Variants in ANGPTL5 observed in about 807,000 individuals in gnomAD.
The protein encoded by ANGPTL5 is angiopoietin-related protein 5.
ANGPTL5 carries 34 observed loss-of-function variants against 39.4 expected under a neutral mutation model. The observed-to-expected ratio is 0.86, with a 90% CI of 0.66 to 1.15. The LOEUF is 1.15. ANGPTL5 is among the 50% of genes most tolerant of loss of function. The pLI is 0.00. For synonymous variants in ANGPTL5, 146 were observed against 152.1 expected (o/e 0.96, Z 0.29); for missense variants, 467 against 457.5 (o/e 1.02, Z -0.19).
chr11:101,907,885 G>A lies in ANGPTL5; in HGVS notation c.25C>T (p.Leu9Phe). The A allele has an allele frequency of 1.2e-6, 2 of 1,609,566 alleles. No homozygotes were observed. The highest frequency in any genetic ancestry group is 1.7e-6 in the Non-Finnish European group (2 of 1,176,140). ...AAAATACATACATTTAAGAATAAGA[G>A]TGAGGCTTGGGATGGAGACATCATA... MMSPSQAS[L>F]LFLNVCIFIC... Residue 9 changes from leucine (L) to phenylalanine (F), a missense_variant, in exon 2 of 9, where the codon CTC becomes TTC. Physicochemically the swap from Leu to Phe is conservative, Grantham distance 22. Coordinates refer to ENST00000334289, the MANE Select transcript of ANGPTL5 (RefSeq NM_178127.5).
At chr11:101,897,835 C>CA (rs1189966052) in intron 7 of ANGPTL5, among the ~76,000 whole-genome samples, 1 of 152,150 alleles carries the variant, frequency 6.6e-6, no homozygotes, top group Non-Finnish European at 1.5e-5. Context: ...CTTGACTATA[C>CA]AGGCTCTTTT....
intron 6 of ANGPTL5, 56 bp from the exon 7 acceptor site, chr11:101,900,606 A>AAT (rs1379571059): frequency 5.1e-6 from 8 of 1,562,240 alleles, no homozygotes; most frequent in Non-Finnish European, 7.0e-6. Flanking sequence ...ATTATTTGAT[A>AAT]ATATAACACT....
intron 1 of ANGPTL5, among the ~76,000 whole-genome samples, chr11:101,913,227 T>C (rs1181973435): frequency 8.5e-5 from 13 of 152,202 alleles, no homozygotes; most frequent in Non-Finnish European, 2.9e-5. Context: ...CTTGAGTGCC[T>C]TTGTGTCCTA....
chr11:101,907,921 A>G lies in ANGPTL5; in HGVS notation c.-12T>C, dbSNP rs199507393. The G allele has an allele frequency of 4.5e-6, 7 of 1,543,692 alleles. No individual in the cohort carries two copies. Among genetic ancestry groups the G allele is most frequent in the African/African-American group, 1.4e-5 (1 of 73,548 alleles). On this transcript the variant is annotated 5_prime_UTR_variant, in exon 2 of 9. Transcript: ENST00000334289. ...GATGGAGACATCATATTTTTCTTGGATAGATGAAAACACTTCTTCAAATAT... is the reference window on the plus strand; with the variant it reads ...GATGGAGACATCATATTTTTCTTGGGTAGATGAAAACACTTCTTCAAATAT...
intron 6 of ANGPTL5, 71 bp from the exon 7 acceptor site, chr11:101,900,621 C>T (rs940467797): frequency 2.6e-6 from 4 of 1,517,502 alleles, no homozygotes; most frequent in Non-Finnish European, 2.7e-6. Context: ...AACACTCATG[C>T]TTCATCCTTA....
At chr11:101,915,848 T>C (rs890791157) in intron 1 of ANGPTL5, among the ~76,000 whole-genome samples, 171 bp downstream of exon 1, 2 of 152,224 alleles carry the variant, frequency 1.3e-5, no homozygotes, top group Admixed American at 6.5e-5. Context: ...CAGCCCTAAA[T>C]GCATTTACCA....
At chr11:101,915,383 C>G in intron 1 of ANGPTL5, 1 of 1,613,484 alleles carries the variant, frequency 6.2e-7, no homozygotes, top group Non-Finnish European at 8.5e-7. Flanking sequence ...CTCGGGAGAG[C>G]GGCGGGCATC....
chr11:101,904,968 C>T, intron 4 of ANGPTL5, 61 bp from the exon 5 acceptor site: 7 of 1,281,028 alleles, frequency 5.5e-6, no homozygotes, highest in Non-Finnish European at 7.9e-6. Flanking sequence ...ATCTCTAAGC[C>T]TCTCATAAAC....
chr11:101,901,387 C>T (rs1006053958), intron 6 of ANGPTL5, among the ~76,000 whole-genome samples: 3 of 152,082 alleles, frequency 2.0e-5, no homozygotes, highest in Admixed American at 6.6e-5. Context: ...ACCTGGAAGG[C>T]CTGTTTTCAG....
intron 1 of ANGPTL5, chr11:101,915,410 C>A (rs777711313): frequency 6.2e-7 from 1 of 1,611,628 alleles, no homozygotes; most frequent in Admixed American, 1.7e-5. Flanking sequence ...CTGGCTCTTA[C>A]CTGTATCCTT....
In ANGPTL5 at chr11:101,891,512, G is replaced by A. The variant is rs898420412; in HGVS notation, c.934C>T (p.Pro312Ser). 5 of 1,613,870 alleles carry A rather than the reference G, an allele frequency of 3.1e-6. No homozygotes were observed. Among genetic ancestry groups the A allele is most frequent in the Non-Finnish European group, 4.2e-6 (5 of 1,179,928 alleles). Reference protein sequence around the residue: ...TSDVDNDGCRPACLVNGQSVK... With the variant: ...TSDVDNDGCRSACLVNGQSVK... ...GACTGACCATTGACCAGGCATGCAG[G>A]GCGACACCCATCATTATCAACATCT... The change falls in exon 9 of 9, where the codon CCT becomes TCT. Residue 312 changes from proline (P) to serine (S), a missense_variant. Pro to Ser is a moderately conservative substitution (Grantham distance 74). Coordinates refer to ENST00000334289, the MANE Select transcript of ANGPTL5 (RefSeq NM_178127.5).
intron 5 of ANGPTL5, among the ~76,000 whole-genome samples, chr11:101,903,095 G>T (rs1285882732): frequency 1.3e-5 from 2 of 152,094 alleles, no homozygotes. Context: ...AAATCTACAT[G>T]AATAGGGAGG....
At chr11:101,894,155 T>C (rs188571176) in intron 8 of ANGPTL5, among the ~76,000 whole-genome samples, 124 of 152,348 alleles carry the variant, frequency 8.1e-4, no homozygotes, top group African/African-American at 2.8e-3. Context: ...GTATTTCCAG[T>C]GTTACTTATC....
chr11:101,902,277 T>C (rs1010567027), intron 6 of ANGPTL5, among the ~76,000 whole-genome samples: 1 of 152,160 alleles, frequency 6.6e-6, no homozygotes, highest in Non-Finnish European at 1.5e-5. Flanking sequence ...ACAGGCTAAT[T>C]AAAGCAAGCA....
intron 1 of ANGPTL5, chr11:101,915,301 C>G (rs748433566): frequency 6.2e-7 from 1 of 1,613,606 alleles, no homozygotes; most frequent in Non-Finnish European, 8.5e-7. Flanking sequence ...GCGGGGAGGC[C>G]CGGAACCCGG....
intron 3 of ANGPTL5, among the ~76,000 whole-genome samples, chr11:101,906,432 T>C (rs552167741): frequency 9.8e-5 from 15 of 152,286 alleles, no homozygotes; most frequent in Admixed American, 5.9e-4. Flanking sequence ...AAATTTCTTA[T>C]AGCGAAGTTG....
At chr11:101,915,502 G>A in intron 1 of ANGPTL5, 1 of 1,492,374 alleles carries the variant, frequency 6.7e-7, no homozygotes, top group Non-Finnish European at 9.1e-7. Context: ...CTTTGACGCA[G>A]GGTGATCAAA....
At chr11:101,902,236 A>G (rs1184254935) in intron 6 of ANGPTL5, among the ~76,000 whole-genome samples, 2 of 152,156 alleles carry the variant, frequency 1.3e-5, no homozygotes, top group African/African-American at 4.8e-5. Context: ...GTAAGCTCCA[A>G]GGCAAAGCAC....
chr11:101,891,192 T>G lies in ANGPTL5; in HGVS notation c.*87A>C. ...ATCTACAGTTAAATTTTGCCTAATA[T>G]GTTTGAAACACTAAGTGAAAAGATA... On this transcript the variant is annotated 3_prime_UTR_variant, in exon 9 of 9. Coordinates refer to ENST00000334289, the MANE Select transcript of ANGPTL5 (RefSeq NM_178127.5). 7.8e-7 allele frequency: 1 copy of G among 1,280,548 alleles called. No homozygotes were observed. The highest frequency in any genetic ancestry group is 1.1e-6 in the Non-Finnish European group (1 of 938,466). 79.3% of individuals were successfully genotyped at this position (1,280,548 alleles called of 1,614,324 possible).
Sources: allele counts gnomAD v4.1 joint callset (sites outside exome capture counted in the v4.1 genomes callset), GRCh38; gene constraint gnomAD v4.1.1; transcripts MANE v1.5; gene names NCBI Gene and HGNC (gene_info 2026-07-23, HGNC 2026-07-21).